Variants in TAF11 observed in about 807,000 individuals in gnomAD.
TAF11 encodes the protein TATA-box binding protein associated factor 11, also known as transcription initiation factor TFIID subunit 11.
TAF11 carries 10 observed loss-of-function variants against 23.0 expected under a neutral mutation model. The observed-to-expected ratio is 0.43, with a 90% CI of 0.27 to 0.74. The LOEUF is 0.74. Ranked by LOEUF, TAF11 falls within the 30% of genes least tolerant of loss-of-function variation. The probability of loss-of-function intolerance (pLI) is 0.19; values close to 1 mark genes in which losing one functional copy is unlikely to be tolerated. For missense variants in TAF11, 196 were observed against 261.7 expected (o/e 0.75, Z 1.73); for synonymous variants, 85 against 95.8 (o/e 0.89, Z 0.66).
intron 1 of TAF11, among the ~76,000 whole-genome samples, chr6:34,884,434 A>G (rs568593719): frequency 7.3e-5 from 11 of 150,844 alleles, no homozygotes; most frequent in African/African-American, 2.0e-4. Context: ...ATATGGAAGG[A>G]TGAAGGGTGG....
At chr6:34,878,795 A>T (rs1436869676) in intron 4 of TAF11, 75 bp from the exon 5 acceptor site, 8 of 1,314,170 alleles carry the variant, frequency 6.1e-6, no homozygotes, top group Non-Finnish European at 8.6e-6. Context: ...TGAGTCCTGT[A>T]ATTCTTGTTA....
At chr6:34,885,287 T>TA (rs1766508569) in intron 1 of TAF11, among the ~76,000 whole-genome samples, 1 of 151,916 alleles carries the variant, frequency 6.6e-6, no homozygotes. Flanking sequence ...TGGCTGTTAA[T>TA]AAAAATATGT....
At chr6:34,886,784 A>C (rs1051103264) in intron 1 of TAF11, among the ~76,000 whole-genome samples, 1 of 152,070 alleles carries the variant, frequency 6.6e-6, no homozygotes, top group Non-Finnish European at 1.5e-5. Flanking sequence ...TCTTTTTCTA[A>C]AAGTTTGTAC....
chr6:34,881,998 T>C (rs1766440507), intron 2 of TAF11, among the ~76,000 whole-genome samples: 1 of 150,852 alleles, frequency 6.6e-6, no homozygotes, highest in Non-Finnish European at 1.5e-5. Flanking sequence ...GATCTCGGCC[T>C]TCTTTTTATC....
intron 1 of TAF11, among the ~76,000 whole-genome samples, chr6:34,886,665 C>G (rs1263104971): frequency 6.6e-6 from 1 of 151,812 alleles, no homozygotes; most frequent in African/African-American, 2.4e-5. Flanking sequence ...GGGGTTTCGC[C>G]ATGTTGGCCA....
In TAF11 at chr6:34,878,003, A is replaced by G. The variant is rs533800462; in HGVS notation, c.*587T>C. 1 of 152,256 alleles carries G rather than the reference A, an allele frequency of 6.6e-6. No homozygotes were observed. The highest frequency in any genetic ancestry group is 2.4e-5 in the African/African-American group (1 of 41,430). 9.4% of individuals were successfully genotyped at this position (152,256 alleles called of 1,614,324 possible). A position where few individuals can be genotyped will look rare whatever the true frequency, so the allele number is the denominator to read the frequency against. ...ATGTGAAACCATTAAAGCCCTCAGC[A>G]CTTTAGGAGGCTGAGGCAGGAGGAC... On this transcript the variant is annotated 3_prime_UTR_variant, in exon 5 of 5. Transcript: ENST00000361288.
chr6:34,883,134 G>C (rs1383243832), intron 1 of TAF11, 54 bp from the exon 2 acceptor site: 2 of 1,558,328 alleles, frequency 1.3e-6, no homozygotes, highest in Non-Finnish European at 1.7e-6. Flanking sequence ...CCAGGCTTGG[G>C]CAAAGTAAGA....
Position 34,877,605 on chromosome 6 carries a change from AC to A in TAF11, c.*984del, listed in dbSNP as rs2127430926. The A allele has an allele frequency of 1.3e-5, 2 of 152,638 alleles. No homozygotes were observed. Among genetic ancestry groups the A allele is most frequent in the East Asian group, 3.9e-4 (2 of 5,168 alleles). 9.5% of individuals were successfully genotyped at this position (152,638 alleles called of 1,614,324 possible). On this transcript the variant is annotated 3_prime_UTR_variant, in exon 5 of 5. Coordinates refer to ENST00000361288, the MANE Select transcript of TAF11 (RefSeq NM_005643.4). ...TCAGTCTTGGGGGGGGAATTATTAC[AC>A]TGTTTTTAACAGTGCTTGAAGTACT...
In TAF11 at chr6:34,878,345, C is replaced by A; in HGVS notation, c.*245G>T. 1 of 454,920 alleles carries A rather than the reference C, an allele frequency of 2.2e-6. No individual in the cohort carries two copies. Among genetic ancestry groups the A allele is most frequent in the Non-Finnish European group, 4.0e-6 (1 of 252,690 alleles). The allele number at this position is 454,920 out of a possible 1,614,324, so 28.2% of individuals were successfully genotyped here. A position where few individuals can be genotyped will look rare whatever the true frequency, so the allele number is the denominator to read the frequency against. ...TGCTTATGGCCCACGTATCTTCTTC[C>A]AACTGGTCAAGACAGTTAAATACTT... On this transcript the variant is annotated 3_prime_UTR_variant, in exon 5 of 5. Transcript: ENST00000361288.
intron 1 of TAF11, 43 bp from the exon 2 acceptor site, chr6:34,883,123 T>A: frequency 6.3e-7 from 1 of 1,580,906 alleles, no homozygotes; most frequent in South Asian, 1.2e-5. Context: ...TGGCCTACTT[T>A]CCAGGCTTGG....
intron 1 of TAF11, among the ~76,000 whole-genome samples, chr6:34,885,927 C>T (rs1293349289): frequency 6.6e-6 from 1 of 152,144 alleles, no homozygotes; most frequent in Non-Finnish European, 1.5e-5. Flanking sequence ...CAAGACCAGG[C>T]TGGGCAACTT....
intron 1 of TAF11, among the ~76,000 whole-genome samples, chr6:34,887,378 T>G (rs1006808407): frequency 6.6e-6 from 1 of 152,130 alleles, no homozygotes; most frequent in South Asian, 2.1e-4. Context: ...TGATCGACCC[T>G]CCTTCCTATA....
chr6:34,886,611 G>A (rs1581643517), intron 1 of TAF11, among the ~76,000 whole-genome samples: 1 of 151,592 alleles, frequency 6.6e-6, no homozygotes, highest in Admixed American at 6.6e-5. Flanking sequence ...GATTACAGGC[G>A]CCCGCCACCA....
chr6:34,879,583 G>T, intron 4 of TAF11: 2 of 984,964 alleles, frequency 2.0e-6, no homozygotes, highest in Non-Finnish European at 2.4e-6. Context: ...TCAATAAAGG[G>T]GTCAGGCAGT....
At chr6:34,884,967 G>C (rs953266698) in intron 1 of TAF11, among the ~76,000 whole-genome samples, 8 of 149,458 alleles carry the variant, frequency 5.4e-5, no homozygotes, top group African/African-American at 2.0e-4. Flanking sequence ...TTCATATTTT[G>C]TAATGTTATA....
At position 34,886,167 on chromosome 6, in the gene TAF11, T is replaced by C. The variant is rs548972219; in HGVS notation, c.171+1620A>G. ...ACAAAACAAAAACTTTAGATGAGCGTGGTGCAGCATGCCTGCAGTCCCAGT... is the reference window on the plus strand; with the variant it reads ...ACAAAACAAAAACTTTAGATGAGCGCGGTGCAGCATGCCTGCAGTCCCAGT... On this transcript the variant is annotated intron_variant, in intron 1 of 4. Transcript: ENST00000361288. Among the ~76,000 whole-genome samples the C allele has an allele frequency of 4.0e-5, 6 of 148,350 alleles. No individual in the cohort carries two copies. In the South Asian group the frequency reaches 1.3e-3, roughly 31 times the overall value.
chr6:34,879,506 C>T (rs1460074660), intron 4 of TAF11: 1 of 977,018 alleles, frequency 1.0e-6, no homozygotes. Context: ...GTATATATCT[C>T]CTGCTCAAAA....
rs1268176208 is a variant in TAF11, at chr6:34,887,913, T to C, written c.45A>G (p.Thr15=). The C allele has an allele frequency of 2.5e-6, 4 of 1,614,210 alleles. No homozygotes were observed. The highest frequency in any genetic ancestry group is 3.4e-6 in the Non-Finnish European group (4 of 1,180,030). The change falls in exon 1 of 5, where the codon ACA becomes ACG. Residue 15 remains threonine (T), a synonymous_variant. Transcript: ENST00000361288. ...HESPSDKGGE[T]GESDETAAVP... is the part of the protein sequence containing the mutation. ...CAGCGGCCGTCTCATCCGACTCCCCTGTCTCTCCACCTTTGTCGGAGGGCG... is the reference window on the plus strand; with the variant it reads ...CAGCGGCCGTCTCATCCGACTCCCCCGTCTCTCCACCTTTGTCGGAGGGCG...
At chr6:34,885,105 C>CT (rs545887909) in intron 1 of TAF11, among the ~76,000 whole-genome samples, 66,426 of 150,324 alleles carry the variant, frequency 0.44, 18,951 homozygotes, top group African/African-American at 0.8. Flanking sequence ...TGTTCTTTAT[C>CT]TTTTTTTTCT....
Sources: allele counts gnomAD v4.1 joint callset (sites outside exome capture counted in the v4.1 genomes callset), GRCh38; gene constraint gnomAD v4.1.1; transcripts MANE v1.5; gene names NCBI Gene and HGNC (gene_info 2026-07-23, HGNC 2026-07-21).